Variants in CTNNA3 observed in about 807,000 individuals in gnomAD.
CTNNA3 encodes the protein catenin alpha 3.
In CTNNA3, 76 loss-of-function variants were observed where a neutral mutation model predicts 95.7. The observed-to-expected ratio is 0.79, with a 90% CI of 0.66 to 0.96. CTNNA3 has a LOEUF of 0.96. Ranked by LOEUF, CTNNA3 falls within the 40% of genes least tolerant of loss-of-function variation. The probability of loss-of-function intolerance (pLI) is 0.00; values close to 1 mark genes in which losing one functional copy is unlikely to be tolerated. For synonymous variants in CTNNA3, 431 were observed against 374.4 expected, an observed-to-expected ratio of 1.15 and a Z score of -1.74; for missense variants, 1,191 against 1,089.8, an observed-to-expected ratio of 1.09 and a Z score of -1.31.
In CTNNA3 at chr10:67,196,627, C is replaced by T. The variant is rs151061138; in HGVS notation, c.844-16107G>A. ...TAAGGTAGTAACGTCTTCTCCTAGG[C>T]ATATTTCTGTCAGTTAAGCAAACCA... is the stretch of plus-strand genomic sequence containing the variant. On this transcript the variant is annotated intron_variant, in intron 6 of 17. Coordinates refer to ENST00000433211, the MANE Select transcript of CTNNA3 (RefSeq NM_013266.4). Among the ~76,000 whole-genome samples, 178 of 152,132 alleles carry T rather than the reference C, an allele frequency of 1.2e-3. 4 individuals are homozygous for T. The highest frequency in any genetic ancestry group is 9.2e-3 in the Admixed American group (140 of 15,264).
At chr10:67,208,542 G>A (rs1222153280) in intron 6 of CTNNA3, among the ~76,000 whole-genome samples, 1 of 152,040 alleles carries the variant, frequency 6.6e-6, no homozygotes, top group Non-Finnish European at 1.5e-5. Context: ...AATTCTCACA[G>A]AATGAAAAGG....
chr10:66,410,948 A>G (rs538510851), intron 11 of CTNNA3, among the ~76,000 whole-genome samples: 3 of 152,236 alleles, frequency 2.0e-5, no homozygotes, highest in Non-Finnish European at 4.4e-5. Flanking sequence ...AGAAGAGTAT[A>G]GAGATCTAAA....
intron 7 of CTNNA3, among the ~76,000 whole-genome samples, chr10:67,143,945 G>A (rs768163178): frequency 6.6e-6 from 1 of 152,186 alleles, no homozygotes; most frequent in Non-Finnish European, 1.5e-5. Context: ...ACTTTGCCCA[G>A]ATCTATCAGA....
At chr10:66,627,381 C>T (rs1390158808) in intron 9 of CTNNA3, among the ~76,000 whole-genome samples, 7 of 152,100 alleles carry the variant, frequency 4.6e-5, no homozygotes, top group African/African-American at 1.7e-4. Context: ...CTTACTAGTG[C>T]CACCTACAGC....
chr10:67,331,864 T>G (rs767027026), intron 5 of CTNNA3, among the ~76,000 whole-genome samples: 1 of 152,156 alleles, frequency 6.6e-6, no homozygotes, highest in Non-Finnish European at 1.5e-5. Flanking sequence ...GTCTTCCCAG[T>G]GAATTTCATC....
intron 10 of CTNNA3, among the ~76,000 whole-genome samples, chr10:66,522,032 A>G (rs1202590669): frequency 6.6e-6 from 1 of 152,150 alleles, no homozygotes; most frequent in Admixed American, 6.6e-5. Context: ...TAAGATGTCT[A>G]TGGTGTTGGC....
At chr10:66,576,815 T>C (rs1018858610) in intron 10 of CTNNA3, among the ~76,000 whole-genome samples, 18 of 151,712 alleles carry the variant, frequency 1.2e-4, no homozygotes, top group African/African-American at 4.4e-4. Context: ...ATCTTTTTGG[T>C]AGAATGATTT....
At chr10:66,405,862 G>T (rs1242389784) in intron 11 of CTNNA3, among the ~76,000 whole-genome samples, 1 of 152,102 alleles carries the variant, frequency 6.6e-6, no homozygotes, top group African/African-American at 2.4e-5. Flanking sequence ...CCCTTGGACA[G>T]AATATCAGTA....
At chr10:67,711,999 G>A (rs1002492113) in intron 1 of CTNNA3, among the ~76,000 whole-genome samples, 1 of 151,944 alleles carries the variant, frequency 6.6e-6, no homozygotes, top group African/African-American at 2.4e-5. Flanking sequence ...ATCTAGAACT[G>A]GAAATACCAT....
Position 67,522,710 on chromosome 10 carries a change from G to A in CTNNA3, c.460-749C>T, listed in dbSNP as rs188858952. Among the ~76,000 whole-genome samples the A allele has an allele frequency of 2.7e-3, 410 of 151,028 alleles. 5 individuals are homozygous for A. Among genetic ancestry groups the A allele is most frequent in the East Asian group, 1.9e-3 (10 of 5,162 alleles). On this transcript the variant is annotated intron_variant, in intron 4 of 17. Transcript: ENST00000433211. ...AAATACAAAGGTGAAAAATTGCAAC[G>A]AACCACAGAATACTGTCTGCTACTA...
intron 5 of CTNNA3, among the ~76,000 whole-genome samples, chr10:67,393,593 C>T (rs1430027387): frequency 6.6e-6 from 1 of 152,060 alleles, no homozygotes; most frequent in African/African-American, 2.4e-5. Flanking sequence ...ACTTTTGCCG[C>T]TCATTGCCAT....
intron 5 of CTNNA3, among the ~76,000 whole-genome samples, chr10:67,372,141 G>A (rs1843491461): frequency 6.6e-6 from 1 of 151,936 alleles, no homozygotes; most frequent in Non-Finnish European, 1.5e-5. Flanking sequence ...TTTGTCAGAT[G>A]AGTAGATTGC....
intron 7 of CTNNA3, among the ~76,000 whole-genome samples, chr10:66,874,131 G>A (rs989445439): frequency 6.6e-6 from 1 of 152,020 alleles, no homozygotes; most frequent in Non-Finnish European, 1.5e-5. Flanking sequence ...TCAATGAGAG[G>A]GGTCCATGAG....
chr10:66,022,040 T>C (rs1473622991), intron 15 of CTNNA3, among the ~76,000 whole-genome samples: 1 of 151,778 alleles, frequency 6.6e-6, no homozygotes, highest in Non-Finnish European at 1.5e-5. Flanking sequence ...TTTATTTGTG[T>C]AGAGGTGGGG....
chr10:65,957,282 T>C (rs2077751064), intron 17 of CTNNA3, among the ~76,000 whole-genome samples: 2 of 152,218 alleles, frequency 1.3e-5, no homozygotes, highest in Admixed American at 1.3e-4. Context: ...CCTATGTGTG[T>C]CTCTGCACGT....
chr10:67,540,881 C>A (rs1055771812), intron 3 of CTNNA3, among the ~76,000 whole-genome samples: 4 of 151,818 alleles, frequency 2.6e-5, no homozygotes, highest in Admixed American at 6.6e-5. Context: ...TACTCTGGAG[C>A]CAGACTGCTT....
At chr10:67,661,039 CAG>C (rs1840170714) in intron 1 of CTNNA3, among the ~76,000 whole-genome samples, 1 of 151,874 alleles carries the variant, frequency 6.6e-6, no homozygotes, top group African/African-American at 2.4e-5. Context: ...AGTAAGGCTG[CAG>C]AGAAACAAAT....
intron 1 of CTNNA3, among the ~76,000 whole-genome samples, chr10:67,655,782 CAAA>C (rs11291979): frequency 8.2e-4 from 78 of 95,274 alleles, no homozygotes; most frequent in African/African-American, 2.4e-3. Flanking sequence ...GACTCCGTCT[CAAA>C]AAAAAAAAAA....
chr10:66,161,884 G>A (rs2084867857), intron 13 of CTNNA3, among the ~76,000 whole-genome samples: 1 of 151,984 alleles, frequency 6.6e-6, no homozygotes, highest in Non-Finnish European at 1.5e-5. Context: ...CTTGGAGGCT[G>A]TGTTCATATT....
Sources: allele counts gnomAD v4.1 joint callset (sites outside exome capture counted in the v4.1 genomes callset), GRCh38; gene constraint gnomAD v4.1.1; transcripts MANE v1.5; gene names NCBI Gene and HGNC (gene_info 2026-07-23, HGNC 2026-07-21).